KDM1B: variants seen among roughly 807,000 people sequenced by gnomAD.
The protein encoded by KDM1B is lysine demethylase 1B.
A neutral mutation model predicts 107.4 loss-of-function variants in KDM1B; 63 were observed. The ratio of observed to expected loss-of-function variants is 0.59; its 90% CI spans 0.48 to 0.72. The LOEUF is 0.72. Ranked by LOEUF, KDM1B falls within the 30% of genes least tolerant of loss-of-function variation. KDM1B has a pLI of 0.00. For missense variants in KDM1B, 749 were observed against 1,020.8 expected, an observed-to-expected ratio of 0.73 and a Z score of 3.63; for synonymous variants, 363 against 363.9, an observed-to-expected ratio of 1.00 and a Z score of 0.03.
Position 18,184,954 on chromosome 6 carries a change from T to C in KDM1B, c.535-818T>C, listed in dbSNP as rs13217119. 5.3e-4 allele frequency among the ~76,000 whole-genome samples: 81 copies of C among 152,058 alleles called. 1 individual carries two copies. Among genetic ancestry groups the C allele is most frequent in the African/African-American group, 2.0e-3 (81 of 41,516 alleles). ...GGTGTTACCCAGGTTGGTGTTGAAC[T>C]CCTAGGCTCAAGCGATCCACCTGCC... is the stretch of plus-strand genomic sequence containing the variant. On this transcript the variant is annotated intron_variant, in intron 7 of 21. Transcript: ENST00000650836.
At chr6:18,157,735 T>A (rs1335802880) in intron 2 of KDM1B, among the ~76,000 whole-genome samples, 2 of 151,518 alleles carry the variant, frequency 1.3e-5, no homozygotes, top group East Asian at 3.9e-4. Context: ...AAGAGATTTG[T>A]TAGAGTGGAC....
intron 10 of KDM1B, among the ~76,000 whole-genome samples, chr6:18,194,023 G>A (rs1230088605): frequency 1.3e-5 from 2 of 152,068 alleles, no homozygotes; most frequent in African/African-American, 2.4e-5. Flanking sequence ...ACAGGTGTGC[G>A]CCACCAAACC....
chr6:18,199,018 A>AAG (rs1425357643), intron 12 of KDM1B, among the ~76,000 whole-genome samples: 2 of 147,348 alleles, frequency 1.4e-5, no homozygotes, highest in African/African-American at 5.1e-5. Context: ...GAAAAAAAAA[A>AAG]AAAAAAAAAA....
chr6:18,185,677 G>A lies in KDM1B; in HGVS notation c.535-95G>A, dbSNP rs146344459. 2.9e-3 allele frequency: 3,227 copies of A among 1,105,056 alleles called. 18 individuals are homozygous for A. The highest frequency in any genetic ancestry group is 9.9e-3 in the Middle Eastern group (50 of 5,038). 68.5% of individuals were successfully genotyped at this position (1,105,056 alleles called of 1,614,324 possible). A position where few individuals can be genotyped will look rare whatever the true frequency, so the allele number is the denominator to read the frequency against. ...TAAAAATGCTTTTCTTTGCCAGCCT[G>A]ATAGGTGAAAAGAGATATCTTATTG... On this transcript the variant is annotated intron_variant, in intron 7 of 21. Coordinates refer to ENST00000650836, the MANE Select transcript of KDM1B (RefSeq NM_001364614.2).
At chr6:18,194,235 G>A (rs62395751) in intron 10 of KDM1B, among the ~76,000 whole-genome samples, 2 of 151,958 alleles carry the variant, frequency 1.3e-5, no homozygotes, top group African/African-American at 4.8e-5. Flanking sequence ...GGCTGGTCTC[G>A]AACTCCTGAC....
intron 10 of KDM1B, among the ~76,000 whole-genome samples, chr6:18,192,733 C>G: frequency 7.3e-6 from 1 of 137,216 alleles, no homozygotes; most frequent in Non-Finnish European, 1.5e-5. Flanking sequence ...AGTGAGATCC[C>G]GTCTCAAAAA....
chr6:18,156,406 C>G (rs757983311), intron 2 of KDM1B, among the ~76,000 whole-genome samples: 21 of 152,164 alleles, frequency 1.4e-4, no homozygotes, highest in Admixed American at 5.2e-4. Flanking sequence ...CCAGTCCACT[C>G]CAGTTGGGGA....
intron 3 of KDM1B, among the ~76,000 whole-genome samples, chr6:18,160,855 A>G (rs568932948): frequency 2.7e-4 from 36 of 134,966 alleles, no homozygotes; most frequent in Admixed American, 1.9e-3. Flanking sequence ...TTTCCAGACA[A>G]TCTCCTCTAT....
intron 7 of KDM1B, among the ~76,000 whole-genome samples, chr6:18,179,850 CTTTTTTTTTTTTT>C: frequency 1.0e-4 from 1 of 9,646 alleles, no homozygotes; most frequent in South Asian, 2.6e-3. Context: ...GTTTTTTTTC[CTTTTTTTTTTTTT>C]TTTTTTTTTT....
intron 7 of KDM1B, among the ~76,000 whole-genome samples, chr6:18,173,268 G>A (rs1406038589): frequency 1.3e-5 from 2 of 152,036 alleles, no homozygotes; most frequent in South Asian, 4.1e-4. Context: ...TCATTGTAGG[G>A]TTAGTTTGCA....
At position 18,222,450 on chromosome 6, in the gene KDM1B, T is replaced by C; in HGVS notation, c.*458T>C. ...TATCTTTACCAATGAGCCTTAATTT[T>C]TATATAGGTCCAATATTGAGCTTTT... On this transcript the variant is annotated 3_prime_UTR_variant, in exon 22 of 22. Coordinates refer to ENST00000650836, the MANE Select transcript of KDM1B (RefSeq NM_001364614.2). 2 of 277,180 alleles carry C rather than the reference T, an allele frequency of 7.2e-6. No individual in the cohort carries two copies. The highest frequency in any genetic ancestry group is 1.4e-5 in the Non-Finnish European group (2 of 140,630). 17.2% of individuals were successfully genotyped at this position (277,180 alleles called of 1,614,324 possible). A position where few individuals can be genotyped will look rare whatever the true frequency, so the allele number is the denominator to read the frequency against.
intron 7 of KDM1B, among the ~76,000 whole-genome samples, chr6:18,183,810 C>G (rs1786646123): frequency 6.6e-6 from 1 of 151,874 alleles, no homozygotes; most frequent in Admixed American, 6.6e-5. Context: ...GTGAACCTAC[C>G]TTGGTGTGTG....
At chr6:18,161,683 A>G (rs556783274) in intron 4 of KDM1B, among the ~76,000 whole-genome samples, 143 of 152,230 alleles carry the variant, frequency 9.4e-4, no homozygotes, top group African/African-American at 3.3e-3. Flanking sequence ...CAATTTTGCA[A>G]CACAGTGTCC....
At chr6:18,210,850 T>A (rs923876450) in intron 17 of KDM1B, among the ~76,000 whole-genome samples, 2 of 151,954 alleles carry the variant, frequency 1.3e-5, no homozygotes, top group African/African-American at 4.8e-5. Context: ...CATAAAAAAA[T>A]TATCTGGGCA....
chr6:18,195,870 A>G (rs1254823595), intron 10 of KDM1B, among the ~76,000 whole-genome samples: 1 of 152,170 alleles, frequency 6.6e-6, no homozygotes. Context: ...ATATTCAAGT[A>G]TATAATACAT....
chr6:18,184,736 C>CTTTTTTT (rs58897300), intron 7 of KDM1B, among the ~76,000 whole-genome samples: 4,005 of 65,346 alleles, frequency 0.061, 656 homozygotes, highest in Non-Finnish European at 0.083. Flanking sequence ...AGCTTTTTTC[C>CTTTTTTT]TTTTTTTTTT....
intron 9 of KDM1B, among the ~76,000 whole-genome samples, chr6:18,190,618 TAGCTG>T (rs975113238): frequency 6.8e-6 from 1 of 146,318 alleles, no homozygotes; most frequent in Non-Finnish European, 1.5e-5. Flanking sequence ...AAAAAAAAGA[TAGCTG>T]GGCATGGTAG....
Position 18,209,559 on chromosome 6 carries a change from G to A in KDM1B, c.1866+1353G>A, listed in dbSNP as rs1374484366. On this transcript the variant is annotated intron_variant, in intron 17 of 21. Transcript: ENST00000650836. The surrounding 1 kb of genome is among the most constrained non-coding windows in gnomAD (Gnocchi z 4.3). ...ACCTGGGAGGCGCTTACAAAGAAAGGCTGGAAAGCCCCACCCTGATGCGTT... is the reference window on the plus strand; with the variant it reads ...ACCTGGGAGGCGCTTACAAAGAAAGACTGGAAAGCCCCACCCTGATGCGTT... Among the ~76,000 whole-genome samples the A allele has an allele frequency of 2.6e-5, 4 of 152,182 alleles. No individual in the cohort carries two copies. The highest frequency in any genetic ancestry group is 4.8e-5 in the African/African-American group (2 of 41,454).
chr6:18,218,877 T>TA (rs1354546072), intron 21 of KDM1B, among the ~76,000 whole-genome samples: 2 of 151,912 alleles, frequency 1.3e-5, no homozygotes, highest in Non-Finnish European at 2.9e-5. Flanking sequence ...AATTTAAATT[T>TA]AATTTAATTT....
Sources: allele counts gnomAD v4.1 joint callset (sites outside exome capture counted in the v4.1 genomes callset), GRCh38; gene constraint gnomAD v4.1.1; non-coding constraint Gnocchi (gnomAD v3.1); transcripts MANE v1.5; gene names NCBI Gene and HGNC (gene_info 2026-07-23, HGNC 2026-07-21).